The following NCOR2 variants were observed in gnomAD, a reference collection of about 807,000 sequenced individuals.
The protein encoded by NCOR2 is nuclear receptor corepressor 2.
In NCOR2, 81 loss-of-function variants were observed where a neutral mutation model predicts 262.9. The ratio of observed to expected loss-of-function variants is 0.31; its 90% confidence interval spans 0.26 to 0.37. The LOEUF is 0.37. Ranked by LOEUF, NCOR2 falls within the 10% of genes least tolerant of loss-of-function variation. The pLI, the probability that NCOR2 is intolerant of heterozygous loss-of-function variation, is 1.00. For missense variants in NCOR2, 3,385 were observed against 3,621.4 expected, an observed-to-expected ratio of 0.93 and a Z score of 1.68; for synonymous variants, 1,659 against 1,559.3, an observed-to-expected ratio of 1.06 and a Z score of -1.51.
chr12:124,372,671 G>T, intron 19 of NCOR2, 61 bp from the exon 22 acceptor site: 1 of 1,449,454 alleles, frequency 6.9e-7, no homozygotes, highest in Non-Finnish European at 9.5e-7. Context: ...CAGAAGAGAT[G>T]CATGGCCCTG....
intron 16 of NCOR2, 51 bp from the exon 19 acceptor site, chr12:124,385,938 G>A (rs970205157): frequency 5.3e-5 from 85 of 1,589,806 alleles, no homozygotes; most frequent in Non-Finnish European, 7.2e-5. Flanking sequence ...GGCACGCAGA[G>A]GGGGCCTGCA....
chr12:124,460,800 G>T (rs760405838), intron 5 of NCOR2, among the ~76,000 whole-genome samples: 33 of 152,218 alleles, frequency 2.2e-4, no homozygotes, highest in Non-Finnish European at 1.9e-4. Flanking sequence ...CTCCCATCTA[G>T]AACATTCCCC....
intron 27 of NCOR2, among the ~76,000 whole-genome samples, chr12:124,353,717 A>G (rs1593178874): frequency 6.6e-6 from 1 of 152,140 alleles, no homozygotes; most frequent in Non-Finnish European, 1.5e-5. Flanking sequence ...CATGGCTTGC[A>G]CCCTCAATTT....
intron 41 of NCOR2, among the ~76,000 whole-genome samples, 178 bp from the exon 44 acceptor site, chr12:124,333,457 T>C (rs775112773): frequency 6.6e-5 from 10 of 152,208 alleles, no homozygotes; most frequent in Non-Finnish European, 1.3e-4. Flanking sequence ...TTTTTATTTT[T>C]TTTTTAAACA....
exon 38 of NCOR2, chr12:124,337,007 T>C: frequency 1.3e-6 from 2 of 1,509,470 alleles, no homozygotes; most frequent in Non-Finnish European, 1.8e-6. Context: ...GAGGAAGGCA[T>C]GGCCGGTGTC....
At position 124,531,328 on chromosome 12, in the gene NCOR2, T is replaced by C. The variant is rs1454244847; in HGVS notation, c.-118+4237A>G. On this transcript the variant is annotated intron_variant, in intron 1 of 46. Transcript: ENST00000404621. This position sits in a 1 kb window ranked among gnomAD's most constrained non-coding sequence, Gnocchi z 4.5. Reference sequence around the variant, plus strand: ...AGGGCTCCTGCTCCCCTCTGAGTGATGGCAGGGCAGGCGCCTGGAGCCAAC... The same window carrying C: ...AGGGCTCCTGCTCCCCTCTGAGTGACGGCAGGGCAGGCGCCTGGAGCCAAC... 6.6e-6 allele frequency among the ~76,000 whole-genome samples: 1 copy of C among 152,128 alleles called. No individual in the cohort carries two copies. The highest frequency in any genetic ancestry group is 2.4e-5 in the African/African-American group (1 of 41,416).
chr12:124,334,318 A>AG, intron 41 of NCOR2, 106 bp downstream of exon 43: 1 of 756,994 alleles, frequency 1.3e-6, no homozygotes, highest in Non-Finnish European at 2.1e-6. Flanking sequence ...CAATGGCACC[A>AG]GGCGGGCCTC....
In NCOR2 at chr12:124,327,731, G is replaced by A; in HGVS notation, c.6959-98C>T. 7.0e-6 allele frequency: 4 copies of A among 569,304 alleles called. No homozygotes were observed. In the South Asian group the frequency reaches 8.7e-5, roughly 12 times the overall value. 35.3% of individuals were successfully genotyped at this position (569,304 alleles called of 1,614,324 possible). A position where few individuals can be genotyped will look rare whatever the true frequency, so the allele number is the denominator to read the frequency against. On this transcript the variant is annotated intron_variant, in intron 44 of 46. Transcript: ENST00000405201. ...GAGAGAAGGGAGAGAGAGAGGGAAG[G>A]AGGAGGAGGAGGAGGAGGAGAGAGA...
In NCOR2 at chr12:124,389,575, C is replaced by A. The variant is rs1474606536; in HGVS notation, c.1877-3688G>T. 6.6e-6 allele frequency among the ~76,000 whole-genome samples: 1 copy of A among 152,184 alleles called. No homozygotes were observed. Among genetic ancestry groups the A allele is most frequent in the Non-Finnish European group, 1.5e-5 (1 of 68,020 alleles). ...TCATCCCCCGCCGCCCGTCCCCCCA[C>A]CCTCCGTGTCAGTTCCACCTGAGCT... On this transcript the variant is annotated intron_variant, in intron 16 of 46. Coordinates refer to ENST00000405201, the Ensembl canonical transcript of NCOR2. The surrounding 1 kb of genome is among the most constrained non-coding windows in gnomAD (Gnocchi z 4.4).
intron 37 of NCOR2, among the ~76,000 whole-genome samples, chr12:124,337,487 A>G (rs976712322): frequency 6.6e-6 from 1 of 152,238 alleles, no homozygotes; most frequent in Non-Finnish European, 1.5e-5. Flanking sequence ...CATCTAATTC[A>G]GAAAACAGAC....
chr12:124,495,878 C>T (rs1157304144), upstream of NCOR2, among the ~76,000 whole-genome samples: 1 of 152,180 alleles, frequency 6.6e-6, no homozygotes, highest in Non-Finnish European at 1.5e-5. The surrounding 1 kb of genome is among the most constrained non-coding windows in gnomAD (Gnocchi z 4.4). Flanking sequence ...AGGCTATGAC[C>T]CTGTGCAGGA....
At chr12:124,358,269 G>A (rs1363380618) in intron 22 of NCOR2, among the ~76,000 whole-genome samples, 1 of 148,276 alleles carries the variant, frequency 6.7e-6, no homozygotes, top group Non-Finnish European at 1.5e-5. Flanking sequence ...GTTGAAGGAC[G>A]TAACCTGTGA....
chr12:124,457,076 CT>C lies in NCOR2; in HGVS notation c.762+29del, dbSNP rs747362380. 1.3e-6 allele frequency: 2 copies of C among 1,487,006 alleles called. No individual in the cohort carries two copies. The highest frequency in any genetic ancestry group is 5.4e-5 in the East Asian group (2 of 36,866). 92.1% of individuals were successfully genotyped at this position (1,487,006 alleles called of 1,614,324 possible). On this transcript the variant is annotated intron_variant, in intron 6 of 46. Coordinates refer to ENST00000405201, the Ensembl canonical transcript of NCOR2. The surrounding 1 kb of genome is among the most constrained non-coding windows in gnomAD (Gnocchi z 4.0). Reference sequence around the variant, plus strand: ...CCTCTCCAGCCACCCCCGCCCTCCCCTGAGCCCCTGACCCTGTACCCCAGCT... The same window carrying C: ...CCTCTCCAGCCACCCCCGCCCTCCCCGAGCCCCTGACCCTGTACCCCAGCT...
intron 1 of NCOR2, among the ~76,000 whole-genome samples, chr12:124,563,632 A>C (rs1328612967): frequency 6.6e-6 from 1 of 152,252 alleles, no homozygotes; most frequent in African/African-American, 2.4e-5. Context: ...CACCATGCTA[A>C]ATAATTCAAA....
chr12:124,377,442 T>A (rs1443348125), intron 18 of NCOR2, among the ~76,000 whole-genome samples: 1 of 152,158 alleles, frequency 6.6e-6, no homozygotes, highest in African/African-American at 2.4e-5. Context: ...CACTTGGGAA[T>A]AAAAGGAGAC....
At chr12:124,339,904 C>CCCCT in intron 37 of NCOR2, 102 bp downstream of exon 39, 16 of 776,820 alleles carry the variant, frequency 2.1e-5, no homozygotes, top group South Asian at 5.5e-5. Context: ...CCCACCCACC[C>CCCCT]ACCTCCCATA....
At chr12:124,546,454 G>T (rs2051547617) in intron 1 of NCOR2, among the ~76,000 whole-genome samples, 1 of 152,152 alleles carries the variant, frequency 6.6e-6, no homozygotes, top group African/African-American at 2.4e-5. Context: ...TGTTATACAG[G>T]CTGGAGTGCA....
chr12:124,393,174 G>T (rs1296678272), intron 16 of NCOR2, among the ~76,000 whole-genome samples: 1 of 152,228 alleles, frequency 6.6e-6, no homozygotes, highest in Non-Finnish European at 1.5e-5. Context: ...TCCAAGCCAG[G>T]CCAGGCTGAC....
rs533571820 is a variant in NCOR2, at chr12:124,408,055, T to C, written c.1483-5494A>G. Among the ~76,000 whole-genome samples the C allele has an allele frequency of 5.1e-4, 77 of 152,336 alleles. 1 individual carries two copies. Among genetic ancestry groups the C allele is most frequent in the African/African-American group, 1.8e-3 (76 of 41,592 alleles). On this transcript the variant is annotated intron_variant, in intron 13 of 46. Coordinates refer to ENST00000405201, the Ensembl canonical transcript of NCOR2. ...AGTGCGTTTAAGGGTTGTCTTTTTA[T>C]AAGATATACCAAGGCGTGGCGGGGC...
Sources: gnomAD v4.1 joint callset for allele counts (sites outside exome capture counted in the v4.1 genomes callset) on GRCh38, gnomAD v4.1.1 for gene constraint, Gnocchi (gnomAD v3.1) non-coding constraint, MANE v1.5 for transcripts, NCBI Gene and HGNC (gene_info 2026-07-23, HGNC 2026-07-21) for gene names.